Variants in KCTD7 observed in about 807,000 individuals in gnomAD.
KCTD7 encodes BTB/POZ domain-containing protein KCTD7.
Under a neutral mutation model 27.0 loss-of-function variants are expected in KCTD7, and 15 were observed. That is an observed-to-expected ratio of 0.56 (90% CI 0.37 to 0.86). The LOEUF (loss-of-function observed/expected upper bound fraction) is 0.86, where lower values mean the gene tolerates loss of function less well. KCTD7 is among the 40% of genes least tolerant of loss of function. The pLI is 0.00. For synonymous variants in KCTD7, 159 were observed against 162.7 expected (o/e 0.98, Z 0.17); for missense variants, 299 against 398.9 (o/e 0.75, Z 2.13).
chr7:66,630,258 G>C (rs1786415401), intron 1 of KCTD7, among the ~76,000 whole-genome samples: 1 of 152,002 alleles, frequency 6.6e-6, no homozygotes, highest in African/African-American at 2.4e-5. Flanking sequence ...GATAGAGTAA[G>C]ACCGTACCTA....
Position 66,640,745 on chromosome 7 carries a change from A to C in KCTD7, c.*1513A>C. On this transcript the variant is annotated 3_prime_UTR_variant, in exon 4 of 4. Transcript: ENST00000639828. ...CTCTGGAGGCTGAGGCAGGAGGATCACTTGAGCCCAGGAGATTAAGACTGT... is the reference window on the plus strand; with the variant it reads ...CTCTGGAGGCTGAGGCAGGAGGATCCCTTGAGCCCAGGAGATTAAGACTGT... The C allele has an allele frequency of 9.2e-7, 1 of 1,091,604 alleles. No homozygotes were observed. Among genetic ancestry groups the C allele is most frequent in the Non-Finnish European group, 1.1e-6 (1 of 895,928 alleles). 67.6% of individuals were successfully genotyped at this position (1,091,604 alleles called of 1,614,324 possible). A position where few individuals can be genotyped will look rare whatever the true frequency, so the allele number is the denominator to read the frequency against.
At chr7:66,631,568 C>CAA (rs147951741) in intron 1 of KCTD7, among the ~76,000 whole-genome samples, 34 of 100,228 alleles carry the variant, frequency 3.4e-4, no homozygotes, top group Non-Finnish European at 3.4e-4. Context: ...GATTCCGTCT[C>CAA]AAAAAAAAAA....
intron 2 of KCTD7, among the ~76,000 whole-genome samples, chr7:66,637,379 C>T (rs1221858165): frequency 6.6e-6 from 1 of 152,138 alleles, no homozygotes; most frequent in Non-Finnish European, 1.5e-5. Context: ...AGCCACCGTG[C>T]CTGGCCTAAA....
At chr7:66,638,644 G>A (rs1431703554) in intron 3 of KCTD7, 11 of 773,256 alleles carry the variant, frequency 1.4e-5, no homozygotes, top group Non-Finnish European at 1.4e-5. Context: ...ATTTCAGAAG[G>A]ACAGCCCTCG....
Position 66,641,105 on chromosome 7 carries a change from G to C in KCTD7, c.*1873G>C. The C allele has an allele frequency of 1.0e-6, 1 of 985,400 alleles. No homozygotes were observed. Among genetic ancestry groups the C allele is most frequent in the South Asian group, 4.7e-5 (1 of 21,286 alleles). 61.0% of individuals were successfully genotyped at this position (985,400 alleles called of 1,614,324 possible). A position where few individuals can be genotyped will look rare whatever the true frequency, so the allele number is the denominator to read the frequency against. On this transcript the variant is annotated 3_prime_UTR_variant, in exon 4 of 4. Coordinates refer to ENST00000639828, the MANE Select transcript of KCTD7 (RefSeq NM_153033.5). The stretch of plus-strand genomic sequence containing the variant: ...AAAAGAGGTGGATACTGAGATCTAA[G>C]AGGAAAGGATAGTCATTCACGTTCT...
chr7:66,637,111 A>C (rs1786604510), intron 2 of KCTD7, among the ~76,000 whole-genome samples: 1 of 152,244 alleles, frequency 6.6e-6, no homozygotes, highest in Middle Eastern at 3.4e-3. Context: ...TTTGTGATGG[A>C]GTCTCACACT....
At position 66,634,196 on chromosome 7, in the gene KCTD7, ATCTATCTATCTATC is replaced by A. The variant is rs76519909; in HGVS notation, c.314+754_314+767del. ...CACTGGTCTTGATGTGTGTGATTCT[ATCTATCTATCTATC>A]TATCTATCTATCTATCTATAAAAAT... On this transcript the variant is annotated intron_variant, in intron 2 of 3. Transcript: ENST00000639828. Among the ~76,000 whole-genome samples, 637 of 130,920 alleles carry A rather than the reference ATCTATCTATCTATC, an allele frequency of 4.9e-3. 3 individuals carry two copies. Among genetic ancestry groups the A allele is most frequent in the Non-Finnish European group, 8.6e-3 (527 of 61,074 alleles). The allele number at this position is 130,920 out of a possible 152,430, so 85.9% of individuals were successfully genotyped here.
chr7:66,636,864 A>G (rs987129077), intron 2 of KCTD7, among the ~76,000 whole-genome samples: 1 of 152,152 alleles, frequency 6.6e-6, no homozygotes, highest in Non-Finnish European at 1.5e-5. Context: ...TTCAGCCCTG[A>G]AACCAGTTTG....
chr7:66,639,400 G>A lies in KCTD7; in HGVS notation c.*168G>A. 1 of 1,508,512 alleles carries A rather than the reference G, an allele frequency of 6.6e-7. No individual in the cohort carries two copies. Among genetic ancestry groups the A allele is most frequent in the Non-Finnish European group, 8.8e-7 (1 of 1,131,346 alleles). 93.4% of individuals were successfully genotyped at this position (1,508,512 alleles called of 1,614,324 possible). The stretch of plus-strand genomic sequence containing the variant: ...ACAGAGGTGTAGCTCCAATCTCCCT[G>A]ACTGCACCTCAGGGTTGGGCTCAGG... On this transcript the variant is annotated 3_prime_UTR_variant, in exon 4 of 4. Transcript: ENST00000639828.
Position 66,640,831 on chromosome 7 carries a change from A to T in KCTD7, c.*1599A>T, listed in dbSNP as rs987228245. ...GCTCCAGCCTGGGCAACACCATCGTAAAAATAAATAAATAAATAAATAAAT... is the reference window on the plus strand; with the variant it reads ...GCTCCAGCCTGGGCAACACCATCGTTAAAATAAATAAATAAATAAATAAAT... On this transcript the variant is annotated 3_prime_UTR_variant, in exon 4 of 4. Transcript: ENST00000639828. The T allele has an allele frequency of 1.0e-6, 1 of 979,004 alleles. No homozygotes were observed. The highest frequency in any genetic ancestry group is 1.7e-5 in the African/African-American group (1 of 57,174). The allele number at this position is 979,004 out of a possible 1,614,324, so 60.6% of individuals were successfully genotyped here. A position where few individuals can be genotyped will look rare whatever the true frequency, so the allele number is the denominator to read the frequency against.
At chr7:66,634,801 C>A (rs1175187001) in intron 2 of KCTD7, among the ~76,000 whole-genome samples, 1 of 150,394 alleles carries the variant, frequency 6.6e-6, no homozygotes, top group Admixed American at 6.6e-5. Context: ...AAAAAAAAAA[C>A]CCTCTGTTGT....
At position 66,639,669 on chromosome 7, in the gene KCTD7, AC is replaced by A; in HGVS notation, c.*438del. The A allele has an allele frequency of 2.3e-6, 3 of 1,277,586 alleles. No individual in the cohort carries two copies. Among genetic ancestry groups the A allele is most frequent in the Non-Finnish European group, 3.0e-6 (3 of 1,013,024 alleles). 79.1% of individuals were successfully genotyped at this position (1,277,586 alleles called of 1,614,324 possible). ...TTGTGCTCAGTATATTGGTGTGAACACGGAACATGATGGGGGATTTACCTGA... is the reference window on the plus strand; with the variant it reads ...TTGTGCTCAGTATATTGGTGTGAACAGGAACATGATGGGGGATTTACCTGA... On this transcript the variant is annotated 3_prime_UTR_variant, in exon 4 of 4. Coordinates refer to ENST00000639828, the MANE Select transcript of KCTD7 (RefSeq NM_153033.5).
chr7:66,636,736 G>C (rs1421894441), intron 2 of KCTD7, among the ~76,000 whole-genome samples: 1 of 152,094 alleles, frequency 6.6e-6, no homozygotes, highest in Non-Finnish European at 1.5e-5. Flanking sequence ...TTGCACCACT[G>C]CCCTCCAGCC....
chr7:66,639,635 G>A lies in KCTD7; in HGVS notation c.*403G>A, dbSNP rs1285180753. 1.3e-5 allele frequency: 17 copies of A among 1,339,344 alleles called. No homozygotes were observed. Among genetic ancestry groups the A allele is most frequent in the South Asian group, 1.1e-4 (6 of 56,222 alleles). 83.0% of individuals were successfully genotyped at this position (1,339,344 alleles called of 1,614,324 possible). A position where few individuals can be genotyped will look rare whatever the true frequency, so the allele number is the denominator to read the frequency against. ...ATCACTTCCTCAACCCTGTTCAAGC[G>A]TCCCTCCCTTGTGCTCAGTATATTG... On this transcript the variant is annotated 3_prime_UTR_variant, in exon 4 of 4. Transcript: ENST00000639828.
In KCTD7 at chr7:66,633,168, A is replaced by C. The variant is rs1259895617; in HGVS notation, c.145-107A>C. 4 of 1,136,244 alleles carry C rather than the reference A, an allele frequency of 3.5e-6. No individual in the cohort carries two copies. In the East Asian group the frequency reaches 9.7e-5, roughly 28 times the overall value. 70.4% of individuals were successfully genotyped at this position (1,136,244 alleles called of 1,614,324 possible). ...TCAGATGGACCCGTGGGCTTGAGTG[A>C]CTGAATGAATGGTGTGGCACCAATC... is the stretch of plus-strand genomic sequence containing the variant. On this transcript the variant is annotated intron_variant, in intron 1 of 3. Transcript: ENST00000639828.
At chr7:66,634,108 G>GTGTACATA (rs1554397935) in intron 2 of KCTD7, among the ~76,000 whole-genome samples, 1 of 85,846 alleles carries the variant, frequency 1.2e-5, no homozygotes, top group Non-Finnish European at 2.1e-5. Flanking sequence ...ATGGGTGTGT[G>GTGTACATA]TATACATATA....
In KCTD7 at chr7:66,639,292, G is replaced by T; in HGVS notation, c.*60G>T. ...ATGTCCACCTTGCTTGGTGGCTCTG[G>T]GAGTAAGATCCCTGAAGGGGCTGCT... On this transcript the variant is annotated 3_prime_UTR_variant, in exon 4 of 4. Transcript: ENST00000639828. The T allele has an allele frequency of 6.3e-7, 1 of 1,599,976 alleles. No homozygotes were observed. The highest frequency in any genetic ancestry group is 8.5e-7 in the Non-Finnish European group (1 of 1,179,828).
chr7:66,629,266 C>T, intron 1 of KCTD7, 58 bp downstream of exon 1: 1 of 495,950 alleles, frequency 2.0e-6, no homozygotes, highest in South Asian at 4.0e-5. Context: ...GAGAAGCGGG[C>T]GCGGGGCATA....
In KCTD7 at chr7:66,637,878, A is replaced by G. The variant is rs117354057; in HGVS notation, c.315-375A>G. On this transcript the variant is annotated intron_variant, in intron 2 of 3. Coordinates refer to ENST00000639828, the MANE Select transcript of KCTD7 (RefSeq NM_153033.5). ...GTACATTTATTGAATATTTCACCTC[A>G]ATTCTAAAACTATATATATATAAAG... Among the ~76,000 whole-genome samples the G allele has an allele frequency of 2.1e-3, 323 of 152,280 alleles. No individual in the cohort carries two copies. The Middle Eastern group carries it at 0.027, about 13-fold the overall frequency.
Sources: allele counts gnomAD v4.1 joint callset (sites outside exome capture counted in the v4.1 genomes callset), GRCh38; gene constraint gnomAD v4.1.1; transcripts MANE v1.5; gene names NCBI Gene and HGNC (gene_info 2026-07-23, HGNC 2026-07-21).